GAS1: variants seen among roughly 807,000 people sequenced by gnomAD.
The protein encoded by GAS1 is growth arrest specific 1.
GAS1 carries 10 observed loss-of-function variants against 21.6 expected under a neutral mutation model. The observed-to-expected ratio is 0.46, with a 90% CI of 0.29 to 0.79. GAS1 has a LOEUF of 0.79. Among genes scored for constraint, GAS1 ranks in the 30% least tolerant of loss-of-function variants. The probability of loss-of-function intolerance (pLI) is 0.10; values close to 1 mark genes in which losing one functional copy is unlikely to be tolerated. For synonymous variants in GAS1, 332 were observed against 264.0 expected, an observed-to-expected ratio of 1.26 and a Z score of -2.50; for missense variants, 567 against 544.3, an observed-to-expected ratio of 1.04 and a Z score of -0.42.
rs1825491030 is a variant in GAS1, at chr9:86,946,462, C to G, written c.318G>C (p.Pro106=). The G allele has an allele frequency of 2.0e-6, 3 of 1,473,590 alleles. No homozygotes were observed. Among genetic ancestry groups the G allele is most frequent in the African/African-American group, 1.5e-5 (1 of 68,118 alleles). The allele number at this position is 1,473,590 out of a possible 1,614,324, so 91.3% of individuals were successfully genotyped here. The change falls in exon 1 of 1, where the codon CCG becomes CCC. Residue 106 remains proline, a synonymous_variant. Coordinates refer to ENST00000298743, the MANE Select transcript of GAS1 (RefSeq NM_002048.3). This position sits in a 1 kb window ranked among gnomAD's most constrained non-coding sequence, Gnocchi z 5.2. ...AASFSSRWRC[P]SHCISALIQL... ...GAATGAGGGCCGAGATGCAGTGACTCGGGCAGCGCCAGCGCGACGAGAAAG... is the reference window on the plus strand; with the variant it reads ...GAATGAGGGCCGAGATGCAGTGACTGGGGCAGCGCCAGCGCGACGAGAAAG...
rs1280631005 is a variant in GAS1 at position 86,944,366 on chromosome 9, T to C, written c.*1376A>G. ...CTGGAAAGTAACTACACCATATTCA[T>C]TGTTTAAAACTCTTTACTGATGTAC... On this transcript the variant is annotated 3_prime_UTR_variant, in exon 1 of 1. Coordinates refer to ENST00000298743, the MANE Select transcript of GAS1 (RefSeq NM_002048.3). 2 of 152,152 alleles carry C rather than the reference T, an allele frequency of 1.3e-5. No individual in the cohort carries two copies. The allele number at this position is 152,152 out of a possible 1,614,324, so 9.4% of individuals were successfully genotyped here. A position where few individuals can be genotyped will look rare whatever the true frequency, so the allele number is the denominator to read the frequency against.
rs1018753191 is a variant in GAS1, at chr9:86,946,817, G to C, written c.-38C>G. 1.8e-5 allele frequency: 11 copies of C among 595,178 alleles called. No individual in the cohort carries two copies. Among genetic ancestry groups the C allele is most frequent in the South Asian group, 3.6e-5 (1 of 27,586 alleles). The allele number at this position is 595,178 out of a possible 1,614,324, so 36.9% of individuals were successfully genotyped here. On this transcript the variant is annotated 5_prime_UTR_variant, in exon 1 of 1. Coordinates refer to ENST00000298743, the MANE Select transcript of GAS1 (RefSeq NM_002048.3). This position sits in a 1 kb window ranked among gnomAD's most constrained non-coding sequence, Gnocchi z 5.2. ...CGGCCGCCGGGAGAGGAGGGGAAAG[G>C]AGACGAGGCGCGGGGAGCGGCGGAC...
Position 86,946,690 on chromosome 9 carries a change from C to A in GAS1, c.90G>T (p.Leu30=). 7.1e-7 allele frequency: 1 copy of A among 1,411,250 alleles called. No individual in the cohort carries two copies. The allele number at this position is 1,411,250 out of a possible 1,614,324, so 87.4% of individuals were successfully genotyped here. Residue 30 remains leucine (L), a synonymous_variant, in exon 1 of 1, where the codon CTG becomes CTT. Transcript: ENST00000298743. The surrounding 1 kb of genome is among the most constrained non-coding windows in gnomAD (Gnocchi z 5.2). The part of the protein sequence containing the change: ...AWLCLMALLQ[L]LGSAPRGSGL... ...CCGATCCCCGCGGCGCCGAGCCCAG[C>A]AGCTGCAGCAGCGCCATCAGGCACA...
At position 86,946,316 on chromosome 9, in the gene GAS1, G is replaced by C. The variant is rs1588171716; in HGVS notation, c.464C>G (p.Ala155Gly). The change falls in exon 1 of 1, where the codon GCG becomes GGG. Residue 155 changes from alanine to glycine, a missense_variant. Ala to Gly is a moderately conservative substitution (Grantham distance 60). Coordinates refer to ENST00000298743, the MANE Select transcript of GAS1 (RefSeq NM_002048.3). The surrounding 1 kb of genome is among the most constrained non-coding windows in gnomAD (Gnocchi z 5.2). ...PCLPRTSGGG[A>G]GGPGAGGVMG... is the part of the protein sequence containing the mutation. Reference sequence around the variant, plus strand: ...GACCCCGCCCGCGCCGGGGCCGCCCGCGCCGCCGCCGCTCGTCCGGGGCAG... The same window carrying C: ...GACCCCGCCCGCGCCGGGGCCGCCCCCGCCGCCGCCGCTCGTCCGGGGCAG... 2 of 1,405,840 alleles carry C rather than the reference G, an allele frequency of 1.4e-6. No individual in the cohort carries two copies. The highest frequency in any genetic ancestry group is 3.2e-5 in the East Asian group (1 of 31,578). The allele number at this position is 1,405,840 out of a possible 1,614,324, so 87.1% of individuals were successfully genotyped here.
Position 86,945,385 on chromosome 9 carries a change from C to A in GAS1, c.*357G>T. On this transcript the variant is annotated 3_prime_UTR_variant, in exon 1 of 1. Coordinates refer to ENST00000298743, the MANE Select transcript of GAS1 (RefSeq NM_002048.3). ...ATTGCTAAGGCCCCACTGGTCAGCA[C>A]CTTCCCTTTCGAGTCCAGGACTACT... 1 of 198,860 alleles carries A rather than the reference C, an allele frequency of 5.0e-6. No individual in the cohort carries two copies. The highest frequency in any genetic ancestry group is 1.0e-5 in the Non-Finnish European group (1 of 99,414). 12.3% of individuals were successfully genotyped at this position (198,860 alleles called of 1,614,324 possible). A position where few individuals can be genotyped will look rare whatever the true frequency, so the allele number is the denominator to read the frequency against.
rs1292539022 is a variant in GAS1 at position 86,946,640 on chromosome 9, A to G, written c.140T>C (p.Ile47Thr). The change falls in exon 1 of 1, where the codon ATC becomes ACC. Residue 47 changes from isoleucine (I) to threonine (T), a missense_variant. Ile to Thr is a moderately conservative substitution (Grantham distance 89, BLOSUM62 -1). Coordinates refer to ENST00000298743, the MANE Select transcript of GAS1 (RefSeq NM_002048.3). This position sits in a 1 kb window ranked among gnomAD's most constrained non-coding sequence, Gnocchi z 5.2. Reference sequence around the variant, plus strand: ...GCACTGCAGCAGCGCCTGCCAGCAGATGAGGCGGCGGCCGTGCGCCAGCCC... The same window carrying G: ...GCACTGCAGCAGCGCCTGCCAGCAGGTGAGGCGGCGGCCGTGCGCCAGCCC... ...GSGLAHGRRLICWQALLQCQG... is the reference protein window; with the variant it reads ...GSGLAHGRRLTCWQALLQCQG... 6.9e-7 allele frequency: 1 copy of G among 1,448,304 alleles called. No homozygotes were observed. The allele number at this position is 1,448,304 out of a possible 1,614,324, so 89.7% of individuals were successfully genotyped here.
chr9:86,945,731 G>C lies in GAS1; in HGVS notation c.*11C>G. On this transcript the variant is annotated 3_prime_UTR_variant, in exon 1 of 1. Transcript: ENST00000298743. ...GGGCTCTCCCGCAGCCAACGGCGGG[G>C]GGCGCGAGGGCTAAAAGAGCGGCCC... The C allele has an allele frequency of 6.5e-7, 1 of 1,529,696 alleles. No individual in the cohort carries two copies. The highest frequency in any genetic ancestry group is 8.8e-7 in the Non-Finnish European group (1 of 1,138,936). The allele number at this position is 1,529,696 out of a possible 1,614,324, so 94.8% of individuals were successfully genotyped here.
At position 86,946,495 on chromosome 9, in the gene GAS1, C is replaced by T. The variant is rs994313500; in HGVS notation, c.285G>A (p.Ser95=). The change falls in exon 1 of 1, where the codon TCG becomes TCA. Residue 95 remains serine (S), a synonymous_variant. Transcript: ENST00000298743. This position sits in a 1 kb window ranked among gnomAD's most constrained non-coding sequence, Gnocchi z 5.2. ...PGAAAAAFPA[S]AASFSSRWRC... ...GCCAGCGCGACGAGAAAGAGGCGGC[C>T]GAGGCCGGGAAAGCGGCGGCGGCGG... The T allele has an allele frequency of 1.2e-5, 17 of 1,445,438 alleles. No homozygotes were observed. In the African/African-American group the frequency reaches 1.9e-4, roughly 16 times the overall value. 89.5% of individuals were successfully genotyped at this position (1,445,438 alleles called of 1,614,324 possible). A position where few individuals can be genotyped will look rare whatever the true frequency, so the allele number is the denominator to read the frequency against.
chr9:86,945,458 C>T lies in GAS1; in HGVS notation c.*284G>A. ...TTCCTCCCGGACGTCCTGAACACTG[C>T]AGCTAGCTTTCTGGACGGCAGACGA... On this transcript the variant is annotated 3_prime_UTR_variant, in exon 1 of 1. Transcript: ENST00000298743. The T allele has an allele frequency of 3.0e-6, 1 of 336,364 alleles. No homozygotes were observed. The highest frequency in any genetic ancestry group is 5.3e-6 in the Non-Finnish European group (1 of 187,340). The allele number at this position is 336,364 out of a possible 1,614,324, so 20.8% of individuals were successfully genotyped here.
Position 86,946,326 on chromosome 9 carries a change from C to G in GAS1, c.454G>C (p.Gly152Arg), listed in dbSNP as rs1295614158. The G allele has an allele frequency of 2.1e-6, 3 of 1,416,674 alleles. No individual in the cohort carries two copies. Among genetic ancestry groups the G allele is most frequent in the South Asian group, 1.4e-5 (1 of 69,138 alleles). The allele number at this position is 1,416,674 out of a possible 1,614,324, so 87.8% of individuals were successfully genotyped here. A position where few individuals can be genotyped will look rare whatever the true frequency, so the allele number is the denominator to read the frequency against. ...GCGCCGGGGCCGCCCGCGCCGCCGCCGCTCGTCCGGGGCAGGCACGGCTCA... is the reference window on the plus strand; with the variant it reads ...GCGCCGGGGCCGCCCGCGCCGCCGCGGCTCGTCCGGGGCAGGCACGGCTCA... ...AIEPCLPRTSGGGAGGPGAGG... is the reference protein window; with the variant it reads ...AIEPCLPRTSRGGAGGPGAGG... Residue 152 changes from glycine to arginine, a missense_variant, in exon 1 of 1, where the codon GGC becomes CGC. Physicochemically the swap from Gly to Arg is moderately radical, Grantham distance 125. Coordinates refer to ENST00000298743, the MANE Select transcript of GAS1 (RefSeq NM_002048.3). The surrounding 1 kb of genome is among the most constrained non-coding windows in gnomAD (Gnocchi z 5.2).
In GAS1 at chr9:86,945,717, C is replaced by T. The variant is rs890186244; in HGVS notation, c.*25G>A. 9.2e-6 allele frequency: 14 copies of T among 1,523,462 alleles called. No individual in the cohort carries two copies. The highest frequency in any genetic ancestry group is 4.4e-4 in the Middle Eastern group (2 of 4,560). 94.4% of individuals were successfully genotyped at this position (1,523,462 alleles called of 1,614,324 possible). On this transcript the variant is annotated 3_prime_UTR_variant, in exon 1 of 1. Transcript: ENST00000298743. Reference sequence around the variant, plus strand: ...CGGGAGTGGGACGCGGGCTCTCCCGCAGCCAACGGCGGGGGGCGCGAGGGC... The same window carrying T: ...CGGGAGTGGGACGCGGGCTCTCCCGTAGCCAACGGCGGGGGGCGCGAGGGC...
chr9:86,946,684 G>A lies in GAS1; in HGVS notation c.96C>T (p.Gly32=), dbSNP rs888615561. Residue 32 remains glycine, a synonymous_variant, in exon 1 of 1, where the codon GGC becomes GGT. Transcript: ENST00000298743. This position sits in a 1 kb window ranked among gnomAD's most constrained non-coding sequence, Gnocchi z 5.2. ...CCAGCCCCGATCCCCGCGGCGCCGA[G>A]CCCAGCAGCTGCAGCAGCGCCATCA... ...LCLMALLQLL[G]SAPRGSGLAH... The A allele has an allele frequency of 7.1e-7, 1 of 1,417,986 alleles. No individual in the cohort carries two copies. 87.8% of individuals were successfully genotyped at this position (1,417,986 alleles called of 1,614,324 possible).
In GAS1 at chr9:86,945,474, C is replaced by T. The variant is rs906491964; in HGVS notation, c.*268G>A. On this transcript the variant is annotated 3_prime_UTR_variant, in exon 1 of 1. Coordinates refer to ENST00000298743, the MANE Select transcript of GAS1 (RefSeq NM_002048.3). Reference sequence around the variant, plus strand: ...TGAACACTGCAGCTAGCTTTCTGGACGGCAGACGAGTTGGGAGTTTCTGGA... The same window carrying T: ...TGAACACTGCAGCTAGCTTTCTGGATGGCAGACGAGTTGGGAGTTTCTGGA... The T allele has an allele frequency of 8.4e-6, 3 of 358,006 alleles. No individual in the cohort carries two copies. The highest frequency in any genetic ancestry group is 4.3e-5 in the African/African-American group (2 of 46,338). The allele number at this position is 358,006 out of a possible 1,614,324, so 22.2% of individuals were successfully genotyped here. A position where few individuals can be genotyped will look rare whatever the true frequency, so the allele number is the denominator to read the frequency against.
chr9:86,946,001 C>G lies in GAS1; in HGVS notation c.779G>C (p.Gly260Ala). Reference protein sequence around the residue: ...NGPGSSGSDGGLDDYYDEDYD... With the variant: ...NGPGSSGSDGALDDYYDEDYD... ...GTCCTCATCGTAGTAGTCGTCCAGG[C>G]CCCCGTCCGAGCCGCTGCTGCCGGG... Residue 260 changes from glycine to alanine, a missense_variant, in exon 1 of 1, where the codon GGC (glycine) becomes GCC (alanine). By Grantham distance (60) the Gly-to-Ala change is moderately conservative. Coordinates refer to ENST00000298743, the MANE Select transcript of GAS1 (RefSeq NM_002048.3). This position sits in a 1 kb window ranked among gnomAD's most constrained non-coding sequence, Gnocchi z 5.2. 1.2e-6 allele frequency: 2 copies of G among 1,608,094 alleles called. No homozygotes were observed. Among genetic ancestry groups the G allele is most frequent in the South Asian group, 1.1e-5 (1 of 90,898 alleles).
chr9:86,945,979 C>A lies in GAS1; in HGVS notation c.801G>T (p.Glu267Asp), dbSNP rs1172157999. ...CGGTGCGCTGCTCGTCATCGTAGTC[C>A]TCATCGTAGTAGTCGTCCAGGCCCC... ...SDGGLDDYYDEDYDDEQRTGG... is the reference protein window; with the variant it reads ...SDGGLDDYYDDDYDDEQRTGG... Residue 267 changes from glutamate to aspartate, a missense_variant, in exon 1 of 1, where the codon GAG becomes GAT. Glu to Asp is a conservative substitution (Grantham distance 45). Coordinates refer to ENST00000298743, the MANE Select transcript of GAS1 (RefSeq NM_002048.3). The A allele has an allele frequency of 6.2e-7, 1 of 1,607,344 alleles. No homozygotes were observed. The highest frequency in any genetic ancestry group is 8.5e-7 in the Non-Finnish European group (1 of 1,178,862).
chr9:86,945,862 G>T lies in GAS1; in HGVS notation c.918C>A (p.Arg306=). Residue 306 remains arginine (R), a synonymous_variant, in exon 1 of 1, where the codon CGC becomes CGA. Transcript: ENST00000298743. ...PGSGAAASGG[R]GDLPYGPGRR... ...GCCCAGGCCCATAGGGCAGGTCCCC[G>T]CGGCCGCCCGATGCAGCAGCGCCGC... 1 of 1,478,314 alleles carries T rather than the reference G, an allele frequency of 6.8e-7. No homozygotes were observed. The allele number at this position is 1,478,314 out of a possible 1,614,324, so 91.6% of individuals were successfully genotyped here. A position where few individuals can be genotyped will look rare whatever the true frequency, so the allele number is the denominator to read the frequency against.
Position 86,945,725 on chromosome 9 carries a change from G to T in GAS1, c.*17C>A. On this transcript the variant is annotated 3_prime_UTR_variant, in exon 1 of 1. Coordinates refer to ENST00000298743, the MANE Select transcript of GAS1 (RefSeq NM_002048.3). ...GGACGCGGGCTCTCCCGCAGCCAAC[G>T]GCGGGGGGCGCGAGGGCTAAAAGAG... The T allele has an allele frequency of 6.5e-7, 1 of 1,527,200 alleles. No individual in the cohort carries two copies. The highest frequency in any genetic ancestry group is 1.4e-5 in the African/African-American group (1 of 70,492). The allele number at this position is 1,527,200 out of a possible 1,614,324, so 94.6% of individuals were successfully genotyped here. A position where few individuals can be genotyped will look rare whatever the true frequency, so the allele number is the denominator to read the frequency against.
chr9:86,945,845 C>T lies in GAS1; in HGVS notation c.935G>A (p.Gly312Glu), dbSNP rs1262737489. 10 of 1,507,082 alleles carry T rather than the reference C, an allele frequency of 6.6e-6. No individual in the cohort carries two copies. The highest frequency in any genetic ancestry group is 1.8e-6 in the Non-Finnish European group (2 of 1,131,726). 93.4% of individuals were successfully genotyped at this position (1,507,082 alleles called of 1,614,324 possible). A position where few individuals can be genotyped will look rare whatever the true frequency, so the allele number is the denominator to read the frequency against. ...ASGGRGDLPYGPGRRSSGGGG... is the reference protein window; with the variant it reads ...ASGGRGDLPYEPGRRSSGGGG... ...GCCGCCGCTGCTCCTGCGCCCAGGCCCATAGGGCAGGTCCCCGCGGCCGCC... is the reference window on the plus strand; with the variant it reads ...GCCGCCGCTGCTCCTGCGCCCAGGCTCATAGGGCAGGTCCCCGCGGCCGCC... The change falls in exon 1 of 1, where the codon GGG (glycine) becomes GAG (glutamate). Residue 312 changes from glycine to glutamate, a missense_variant. By Grantham distance (98) the Gly-to-Glu change is moderately conservative. Transcript: ENST00000298743.
At position 86,946,714 on chromosome 9, in the gene GAS1, C is replaced by T. The variant is rs1403390425; in HGVS notation, c.66G>A (p.Leu22=). ...GCAGCTGCAGCAGCGCCATCAGGCA[C>T]AGCCAGGCGCCCGGCACTGTCCCCC... ...ARGGTVPGAW[L]CLMALLQLLG... The change falls in exon 1 of 1, where the codon CTG becomes CTA. Residue 22 remains leucine, a synonymous_variant. Coordinates refer to ENST00000298743, the MANE Select transcript of GAS1 (RefSeq NM_002048.3). The surrounding 1 kb of genome is among the most constrained non-coding windows in gnomAD (Gnocchi z 5.2). 22 of 1,385,838 alleles carry T rather than the reference C, an allele frequency of 1.6e-5. No homozygotes were observed. In the East Asian group the frequency reaches 6.8e-4, roughly 43 times the overall value. 85.8% of individuals were successfully genotyped at this position (1,385,838 alleles called of 1,614,324 possible). A position where few individuals can be genotyped will look rare whatever the true frequency, so the allele number is the denominator to read the frequency against.
Sources: allele counts gnomAD v4.1 joint callset, GRCh38; gene constraint gnomAD v4.1.1; non-coding constraint Gnocchi (gnomAD v3.1); transcripts MANE v1.5; gene names NCBI Gene and HGNC (gene_info 2026-07-23, HGNC 2026-07-21).